Variants in HECW2 observed in about 807,000 individuals in gnomAD.
HECW2 encodes E3 ubiquitin-protein ligase HECW2.
Under a neutral mutation model 175.2 loss-of-function variants are expected in HECW2, and 61 were observed. The ratio of observed to expected loss-of-function variants is 0.35; its 90% CI spans 0.28 to 0.43. The LOEUF (loss-of-function observed/expected upper bound fraction) is 0.43. HECW2 is among the 20% of genes least tolerant of loss of function. HECW2 has a pLI of 1.00. For synonymous variants in HECW2, 671 were observed against 731.0 expected (o/e 0.92, Z 1.32); for missense variants, 1,524 against 2,000.5 (o/e 0.76, Z 4.54).
chr2:196,451,465 G>A (rs1434738572), intron 1 of HECW2, among the ~76,000 whole-genome samples: 1 of 151,564 alleles, frequency 6.6e-6, no homozygotes, highest in African/African-American at 2.4e-5. Context: ...GAAATGTGGG[G>A]TAAAGTTTAT....
chr2:196,441,846 A>G (rs527668279), intron 1 of HECW2, among the ~76,000 whole-genome samples: 2 of 152,338 alleles, frequency 1.3e-5, no homozygotes, highest in East Asian at 1.9e-4. Context: ...AACCTGGGGT[A>G]ACTGGAGCTG....
rs1404701454 is a variant in HECW2 at position 196,318,653 on chromosome 2, G to A, written c.2237C>T (p.Ala746Val). ...CGGTGGGCTCTCGGCAGCAGCTGCA[G>A]CTCCCTCCAGGCTCCCCCTCCGCTG... is the stretch of plus-strand genomic sequence containing the variant. The part of the protein sequence containing the change: ...VWQRRGSLEG[A>V]AAAAESPPQE... Residue 746 changes from alanine (A) to valine (V), a missense_variant, in exon 9 of 29, where the codon GCT becomes GTT. This residue lies in a region of HECW2 where 604 missense variants were observed against 588.3 expected (regional missense o/e 1.03). Transcript: ENST00000644978. The A allele has an allele frequency of 6.2e-7, 1 of 1,600,792 alleles. No individual in the cohort carries two copies. The highest frequency in any genetic ancestry group is 8.5e-7 in the Non-Finnish European group (1 of 1,173,114).
chr2:196,291,119 G>A (rs1331756039), intron 14 of HECW2: 1 of 152,096 alleles, frequency 6.6e-6, no homozygotes, highest in Non-Finnish European at 1.5e-5. Context: ...ATAAGTAAGA[G>A]GCTATTGTGG....
chr2:196,421,487 A>C (rs1198430136), intron 2 of HECW2, among the ~76,000 whole-genome samples: 1 of 152,224 alleles, frequency 6.6e-6, no homozygotes, highest in Non-Finnish European at 1.5e-5. Context: ...CATTATAAGT[A>C]ACTTTATAGG....
chr2:196,496,359 C>A (rs887330067), intron 1 of HECW2, among the ~76,000 whole-genome samples: 3 of 151,952 alleles, frequency 2.0e-5, no homozygotes, highest in African/African-American at 7.3e-5. Context: ...ATCACAAATG[C>A]AGTATGCTGG....
Position 196,562,713 on chromosome 2 carries a change from GC to G in HECW2, c.-36+30794del, listed in dbSNP as rs371692181. ...CATTCACAGAGGTTCCCAGGAGGCA[GC>G]ACTCAGAATTTTTTATTCGAATCAC... On this transcript the variant is annotated intron_variant, in intron 1 of 28. Coordinates refer to ENST00000644978, the MANE Select transcript of HECW2 (RefSeq NM_001348768.2). Among the ~76,000 whole-genome samples the G allele has an allele frequency of 2.8e-3, 421 of 152,260 alleles. 3 individuals carry two copies. The highest frequency in any genetic ancestry group is 9.4e-3 in the African/African-American group (389 of 41,548).
Position 196,400,852 on chromosome 2 carries a change from T to C in HECW2, c.292+32280A>G, listed in dbSNP as rs1394854026. ...AAAAAAAGAGCTAAAATAATTTCCA[T>C]GTCTTGTATTCAACTTGTGTCTACT... On this transcript the variant is annotated intron_variant, in intron 2 of 28. Transcript: ENST00000644978. 3.3e-5 allele frequency among the ~76,000 whole-genome samples: 5 copies of C among 151,484 alleles called. No homozygotes were observed. In the East Asian group the frequency reaches 5.8e-4, roughly 17 times the overall value.
chr2:196,294,046 C>T (rs1207038094), intron 13 of HECW2, among the ~76,000 whole-genome samples: 1 of 151,698 alleles, frequency 6.6e-6, no homozygotes, highest in Non-Finnish European at 1.5e-5. Flanking sequence ...TCTCTTTTTC[C>T]CTGTGTATAT....
At position 196,221,017 on chromosome 2, in the gene HECW2, G is replaced by A. The variant is rs1443452849; in HGVS notation, c.4147-76C>T. ...ATAACAACATTACTAGCATTGAGCT[G>A]AAATCAGCCAGCTACCTGTCCCAGC... On this transcript the variant is annotated intron_variant, in intron 24 of 28. Transcript: ENST00000644978. 2.0e-6 allele frequency: 3 copies of A among 1,509,312 alleles called. No individual in the cohort carries two copies. In the East Asian group the frequency reaches 6.8e-5, roughly 34 times the overall value. 93.5% of individuals were successfully genotyped at this position (1,509,312 alleles called of 1,614,324 possible).
intron 1 of HECW2, among the ~76,000 whole-genome samples, chr2:196,590,186 G>C (rs1007262034): frequency 6.6e-6 from 1 of 152,136 alleles, no homozygotes; most frequent in Non-Finnish European, 1.5e-5. Flanking sequence ...TTTTACATGT[G>C]AAAGGGGGTG....
At chr2:196,578,229 A>T (rs1321487933) in intron 1 of HECW2, among the ~76,000 whole-genome samples, 1 of 152,222 alleles carries the variant, frequency 6.6e-6, no homozygotes, top group Admixed American at 6.5e-5. Flanking sequence ...GAAATGAATA[A>T]TTCACTAGAG....
chr2:196,507,419 G>A (rs576050741), intron 1 of HECW2, among the ~76,000 whole-genome samples: 4 of 152,312 alleles, frequency 2.6e-5, no homozygotes, highest in South Asian at 2.1e-4. Context: ...TTTGTGCCCA[G>A]GGGAAATTTA....
In HECW2 at chr2:196,318,584, C is replaced by G; in HGVS notation, c.2306G>C (p.Gly769Ala). Reference protein sequence around the residue: ...SAGEAQGTCEGATAQEEGATG... With the variant: ...SAGEAQGTCEAATAQEEGATG... Reference sequence around the variant, plus strand: ...AGCGCCCTCCTCCTGGGCAGTTGCCCCTTCACAGGTGCCTTGGGCCTCCCC... The same window carrying G: ...AGCGCCCTCCTCCTGGGCAGTTGCCGCTTCACAGGTGCCTTGGGCCTCCCC... Residue 769 changes from glycine (G) to alanine (A), a missense_variant, in exon 9 of 29, where the codon GGG (glycine) becomes GCG (alanine). Gly to Ala is a moderately conservative substitution (Grantham distance 60). Coordinates refer to ENST00000644978, the MANE Select transcript of HECW2 (RefSeq NM_001348768.2). 1 of 1,532,166 alleles carries G rather than the reference C, an allele frequency of 6.5e-7. No homozygotes were observed. The highest frequency in any genetic ancestry group is 2.3e-5 in the East Asian group (1 of 43,720). 94.9% of individuals were successfully genotyped at this position (1,532,166 alleles called of 1,614,324 possible). A position where few individuals can be genotyped will look rare whatever the true frequency, so the allele number is the denominator to read the frequency against.
chr2:196,414,199 C>A (rs889842167), intron 2 of HECW2, among the ~76,000 whole-genome samples: 1 of 152,228 alleles, frequency 6.6e-6, no homozygotes, highest in African/African-American at 2.4e-5. Flanking sequence ...TTGAGCACAG[C>A]TGTCAGTTAG....
intron 22 of HECW2, among the ~76,000 whole-genome samples, 200 bp downstream of exon 22, chr2:196,227,902 A>G (rs559861325): frequency 3.9e-5 from 6 of 152,342 alleles, no homozygotes; most frequent in African/African-American, 1.2e-4. Flanking sequence ...ATTCCCAGCT[A>G]TCAACAGATC....
intron 2 of HECW2, among the ~76,000 whole-genome samples, chr2:196,384,630 T>C (rs947659352): frequency 6.6e-6 from 1 of 152,092 alleles, no homozygotes; most frequent in African/African-American, 2.4e-5. Context: ...ATAGCAGAAG[T>C]CTGAAGAGTT....
chr2:196,253,844 T>C, intron 19 of HECW2, 76 bp downstream of exon 19: 3 of 1,358,950 alleles, frequency 2.2e-6, no homozygotes, highest in Non-Finnish European at 3.1e-6. Context: ...TACTGTTCTG[T>C]CTTTAGGGAG....
chr2:196,363,819 G>A (rs905627846), intron 2 of HECW2, among the ~76,000 whole-genome samples: 1 of 152,124 alleles, frequency 6.6e-6, no homozygotes, highest in Non-Finnish European at 1.5e-5. Flanking sequence ...GTGAGATCCT[G>A]TCTCTAAAAA....
At chr2:196,396,465 C>T (rs1694663626) in intron 2 of HECW2, among the ~76,000 whole-genome samples, 1 of 152,178 alleles carries the variant, frequency 6.6e-6, no homozygotes. Flanking sequence ...ATTCCCTGAA[C>T]ACCTGGTAAA....
Sources: allele counts gnomAD v4.1 joint callset (sites outside exome capture counted in the v4.1 genomes callset), GRCh38; gene constraint gnomAD v4.1.1; regional missense constraint gnomAD v4.1.1; transcripts MANE v1.5; gene names NCBI Gene and HGNC (gene_info 2026-07-23, HGNC 2026-07-21).